The following TRPM1 variants were observed in gnomAD, a reference collection of about 807,000 sequenced individuals.
TRPM1 encodes the protein transient receptor potential cation channel subfamily M member 1.
TRPM1 carries 113 observed loss-of-function variants against 149.4 expected under a neutral mutation model. That is an observed-to-expected ratio of 0.76 (90% CI 0.65 to 0.88). The LOEUF is 0.88. Among genes scored for constraint, TRPM1 ranks in the 40% least tolerant of loss-of-function variants. The probability of loss-of-function intolerance (pLI) is 0.00; values close to 1 mark genes in which losing one functional copy is unlikely to be tolerated. For synonymous variants in TRPM1, 741 were observed against 759.5 expected, an observed-to-expected ratio of 0.98 and a Z score of 0.40; for missense variants, 1,976 against 2,038.7, an observed-to-expected ratio of 0.97 and a Z score of 0.59.
intron 7 of TRPM1, among the ~76,000 whole-genome samples, chr15:31,064,287 C>T (rs2034311224): frequency 6.6e-6 from 1 of 152,226 alleles, no homozygotes; most frequent in African/African-American, 2.4e-5. Context: ...TGGACGCAGC[C>T]ACTTGGACCA....
chr15:31,121,997 T>C (rs1215182564), intron 1 of TRPM1, among the ~76,000 whole-genome samples: 1 of 152,186 alleles, frequency 6.6e-6, no homozygotes, highest in Non-Finnish European at 1.5e-5. Context: ...ATGACCAAAT[T>C]AGATTTATCC....
At chr15:31,034,466 T>C (rs1016607988) in intron 21 of TRPM1, among the ~76,000 whole-genome samples, 1 of 152,172 alleles carries the variant, frequency 6.6e-6, no homozygotes, top group Admixed American at 6.5e-5. Context: ...TGCTCTTAGA[T>C]GCTTGGAGCC....
intron 1 of TRPM1, among the ~76,000 whole-genome samples, chr15:31,144,690 G>A (rs1400876233): frequency 1.3e-5 from 2 of 151,124 alleles, no homozygotes; most frequent in African/African-American, 2.4e-5. Flanking sequence ...ATAAAACTGT[G>A]GCCCTTTTCA....
In TRPM1 at chr15:31,028,466, A is replaced by G; in HGVS notation, c.3159T>C (p.Gly1053=). Residue 1053 remains glycine (G), a synonymous_variant, in exon 25 of 28, where the codon GGT becomes GGC. Coordinates refer to ENST00000256552, the MANE Select transcript of TRPM1 (RefSeq NM_001252024.2). The stretch of plus-strand genomic sequence containing the variant: ...TGCCCTCCTCATCATATAGGTTCTC[A>G]CCACAAGGAGCTGAAAGAAAAAAAT... ...LYAMEINPPC[G]ENLYDEEGKR... 6.2e-7 allele frequency: 1 copy of G among 1,613,988 alleles called. No homozygotes were observed. The highest frequency in any genetic ancestry group is 8.5e-7 in the Non-Finnish European group (1 of 1,179,992).
intron 1 of TRPM1, among the ~76,000 whole-genome samples, chr15:31,106,888 A>G (rs1030463135): frequency 2.6e-5 from 4 of 152,356 alleles, no homozygotes; most frequent in Admixed American, 1.3e-4. Flanking sequence ...TTGCATTTCC[A>G]GTGGGATTTT....
chr15:31,031,850 A>G lies in TRPM1; in HGVS notation c.2953-693T>C, dbSNP rs1388492152. Among the ~76,000 whole-genome samples the G allele has an allele frequency of 3.3e-5, 5 of 152,148 alleles. No individual in the cohort carries two copies. In the South Asian group the frequency reaches 6.2e-4, roughly 19 times the overall value. ...CATATTCTCTGGCCTGTTCTGGAGT[A>G]TAAGTCATCATGGTCTAATCACATG... is the stretch of plus-strand genomic sequence containing the variant. On this transcript the variant is annotated intron_variant, in intron 22 of 27. Coordinates refer to ENST00000256552, the MANE Select transcript of TRPM1 (RefSeq NM_001252024.2).
chr15:31,090,936 C>G (rs1475488349), intron 1 of TRPM1, among the ~76,000 whole-genome samples: 2 of 152,158 alleles, frequency 1.3e-5, no homozygotes, highest in Admixed American at 6.5e-5. Context: ...AGGCTGATTT[C>G]TCATGGTTTC....
rs1477092868 is a variant in TRPM1 at position 31,069,086 on chromosome 15, C to A, written c.279+945G>T. On this transcript the variant is annotated intron_variant, in intron 4 of 27. Transcript: ENST00000256552. ...ATGCAATATTTGGGACATACTTGTA[C>A]TGAAAATTTATCCAATGTATGTCTG... Among the ~76,000 whole-genome samples, 7 of 152,196 alleles carry A rather than the reference C, an allele frequency of 4.6e-5. No homozygotes were observed. In the South Asian group the frequency reaches 1.4e-3, roughly 32 times the overall value.
intron 1 of TRPM1, among the ~76,000 whole-genome samples, chr15:31,113,054 G>A (rs1374124185): frequency 3.9e-5 from 6 of 152,218 alleles, no homozygotes; most frequent in African/African-American, 9.6e-5. Flanking sequence ...GTCCCATTCA[G>A]AAGGCTGGAG....
chr15:31,142,082 A>G (rs912999273), intron 1 of TRPM1, among the ~76,000 whole-genome samples: 1 of 152,202 alleles, frequency 6.6e-6, no homozygotes, highest in African/African-American at 2.4e-5. Context: ...ATAAATGAAA[A>G]TTTTTAAAAA....
intron 1 of TRPM1, among the ~76,000 whole-genome samples, chr15:31,128,156 T>A (rs2035974767): frequency 6.6e-6 from 1 of 152,142 alleles, no homozygotes; most frequent in Non-Finnish European, 1.5e-5. Context: ...CCTATTCCCA[T>A]GAGCTCAGGA....
intron 16 of TRPM1, among the ~76,000 whole-genome samples, chr15:31,043,928 A>T (rs75024496): frequency 0.02 from 3,083 of 152,286 alleles, 104 homozygotes; most frequent in African/African-American, 0.071. Context: ...AACCAATAAA[A>T]TAACAAAGGA....
At position 31,001,948 on chromosome 15, in the gene TRPM1, G is replaced by A. The variant is rs770929043; in HGVS notation, c.4752C>T (p.Ser1584=). 1.9e-6 allele frequency: 3 copies of A among 1,614,104 alleles called. No individual in the cohort carries two copies. The highest frequency in any genetic ancestry group is 2.5e-6 in the Non-Finnish European group (3 of 1,180,028). The change falls in exon 28 of 28, where the codon TCC becomes TCT. Residue 1584 remains serine (S), a synonymous_variant. Transcript: ENST00000256552. Reference sequence around the variant, plus strand: ...CAGATCTGTCTAACTTTCCCTGAATGGATTTCACATTCCTAGGATGTCCAT... The same window carrying A: ...CAGATCTGTCTAACTTTCCCTGAATAGATTTCACATTCCTAGGATGTCCAT... ...SLHGHPRNVK[S]IQGKLDRSGH... is the part of the protein sequence containing the mutation.
intron 1 of TRPM1, among the ~76,000 whole-genome samples, chr15:31,116,832 AAT>A (rs2035804024): frequency 6.6e-6 from 1 of 152,214 alleles, no homozygotes; most frequent in African/African-American, 2.4e-5. Context: ...TAAACAGTGT[AAT>A]CCCTGGCCAG....
intron 11 of TRPM1, among the ~76,000 whole-genome samples, chr15:31,059,098 A>G (rs2140951396): frequency 6.6e-6 from 1 of 152,308 alleles, no homozygotes; most frequent in South Asian, 2.1e-4. Context: ...AAGAAAAAAT[A>G]GAATTAAACA....
chr15:31,156,438 G>C (rs549001525), intron 1 of TRPM1, among the ~76,000 whole-genome samples: 30 of 152,156 alleles, frequency 2.0e-4, no homozygotes, highest in Admixed American at 1.5e-3. Flanking sequence ...GTCTCTAAGG[G>C]TGGCCACCTA....
chr15:31,149,532 T>TC (rs547616816), intron 1 of TRPM1, among the ~76,000 whole-genome samples: 68 of 150,130 alleles, frequency 4.5e-4, no homozygotes, highest in Non-Finnish European at 9.2e-4. Flanking sequence ...CTCTCTTTTT[T>TC]TTTTTTTTTT....
At chr15:31,125,685 C>G (rs1359334684) in intron 1 of TRPM1, among the ~76,000 whole-genome samples, 1 of 118,930 alleles carries the variant, frequency 8.4e-6, no homozygotes, top group Non-Finnish European at 1.7e-5. Context: ...AGCCGAGATC[C>G]CGCCACTGCA....
chr15:31,010,877 A>G (rs929541220), intron 27 of TRPM1, among the ~76,000 whole-genome samples: 1 of 152,200 alleles, frequency 6.6e-6, no homozygotes, highest in African/African-American at 2.4e-5. Flanking sequence ...AGAGCCTACA[A>G]CTATTATTTG....
Sources: allele counts gnomAD v4.1 joint callset (sites outside exome capture counted in the v4.1 genomes callset), GRCh38; gene constraint gnomAD v4.1.1; transcripts MANE v1.5; gene names NCBI Gene and HGNC (gene_info 2026-07-23, HGNC 2026-07-21).